KLF12: variants seen among roughly 807,000 people sequenced by gnomAD.
KLF12 encodes KLF transcription factor 12, also known as Krueppel-like factor 12.
A neutral mutation model predicts 37.8 loss-of-function variants in KLF12; 9 were observed. The ratio of observed to expected loss-of-function variants is 0.24; its 90% CI spans 0.14 to 0.42. KLF12 has a LOEUF of 0.42. Ranked by LOEUF, KLF12 falls within the 10% of genes least tolerant of loss-of-function variation. The pLI is 1.00. For missense variants in KLF12, 411 were observed against 516.0 expected (o/e 0.80, Z 1.97); for synonymous variants, 208 against 202.1 (o/e 1.03, Z -0.25).
At chr13:74,107,320 T>C (rs974965209) in intron 1 of KLF12, among the ~76,000 whole-genome samples, 4 of 152,218 alleles carry the variant, frequency 2.6e-5, no homozygotes, top group African/African-American at 7.2e-5. Context: ...CAGTTCGGTT[T>C]CTAACTATTC....
At chr13:73,973,583 A>G (rs9600204) in intron 2 of KLF12, among the ~76,000 whole-genome samples, 7,373 of 152,180 alleles carry the variant, frequency 0.048, 380 homozygotes, top group African/African-American at 0.13. Context: ...CTCCCTAGAG[A>G]AAATGGATAG....
intron 1 of KLF12, among the ~76,000 whole-genome samples, chr13:74,011,292 T>TAA (rs1892545431): frequency 6.6e-6 from 1 of 151,210 alleles, no homozygotes; most frequent in Non-Finnish European, 1.5e-5. Flanking sequence ...GTATAAAATT[T>TAA]CTGTTCACAG....
Position 73,888,148 on chromosome 13 carries a change from G to A in KLF12, c.124-41775C>T, listed in dbSNP as rs187562881. Among the ~76,000 whole-genome samples the A allele has an allele frequency of 7.2e-5, 11 of 152,072 alleles. No homozygotes were observed. The East Asian group carries it at 7.7e-4, about 11-fold the overall frequency. On this transcript the variant is annotated intron_variant, in intron 3 of 7. Transcript: ENST00000377669. ...CTCCCAAGTAGCTGGGACCACAGAC[G>A]TCAGTCACCAAGCCTAGCTAATCTT...
intron 1 of KLF12, among the ~76,000 whole-genome samples, chr13:74,082,165 A>AAAAAAAAAAAC (rs1555270359): frequency 1.4e-5 from 2 of 146,500 alleles, no homozygotes; most frequent in Non-Finnish European, 3.0e-5. Flanking sequence ...CTGTCTCTTA[A>AAAAAAAAAAAC]AAAAAAAAAA....
chr13:73,881,089 C>T (rs1376953906), intron 3 of KLF12, among the ~76,000 whole-genome samples: 1 of 151,780 alleles, frequency 6.6e-6, no homozygotes, highest in African/African-American at 2.4e-5. Flanking sequence ...GGAGTCTTTG[C>T]CAAGTGAAAA....
intron 4 of KLF12, among the ~76,000 whole-genome samples, chr13:73,837,028 T>G (rs1195715746): frequency 6.6e-6 from 1 of 152,202 alleles, no homozygotes; most frequent in Non-Finnish European, 1.5e-5. Context: ...TTTAGCTGCT[T>G]TACCTAACAA....
intron 1 of KLF12, among the ~76,000 whole-genome samples, chr13:74,076,203 A>G (rs948382376): frequency 1.3e-5 from 2 of 152,260 alleles, no homozygotes; most frequent in African/African-American, 4.8e-5. Flanking sequence ...TTTAAAAGGT[A>G]GATTTACTTT....
chr13:74,178,637 G>T, the KLF12 span, among the ~76,000 whole-genome samples: 1 of 152,162 alleles, frequency 6.6e-6, no homozygotes, highest in Non-Finnish European at 1.5e-5. Flanking sequence ...TGTCATGAAA[G>T]AAAGACAATC....
chr13:73,981,472 AT>A (rs1323151935), intron 2 of KLF12, among the ~76,000 whole-genome samples: 1 of 152,246 alleles, frequency 6.6e-6, no homozygotes, highest in Non-Finnish European at 1.5e-5. Context: ...GTGAATGAAT[AT>A]CAAAAACAAC....
chr13:74,053,427 C>T (rs1344496529), intron 1 of KLF12, among the ~76,000 whole-genome samples: 2 of 152,078 alleles, frequency 1.3e-5, no homozygotes, highest in Admixed American at 1.3e-4. Context: ...AGGCACTGTC[C>T]TAAGTCCTTC....
chr13:73,769,361 A>C (rs1880128304), intron 5 of KLF12, among the ~76,000 whole-genome samples: 1 of 152,192 alleles, frequency 6.6e-6, no homozygotes, highest in Non-Finnish European at 1.5e-5. Context: ...TCAACTTCTC[A>C]GCAGCAACTG....
At chr13:73,835,311 T>C (rs1884374243) in intron 4 of KLF12, among the ~76,000 whole-genome samples, 1 of 152,124 alleles carries the variant, frequency 6.6e-6, no homozygotes, top group Non-Finnish European at 1.5e-5. Flanking sequence ...TGTCTTTCAG[T>C]TCATGTCATT....
chr13:74,168,471 A>G, the KLF12 span, among the ~76,000 whole-genome samples: 2 of 152,076 alleles, frequency 1.3e-5, no homozygotes, highest in Admixed American at 1.3e-4. Flanking sequence ...CCTCATGCCA[A>G]CCTGGGTGCA....
chr13:74,108,954 A>G (rs973363428), intron 1 of KLF12, among the ~76,000 whole-genome samples: 3 of 152,194 alleles, frequency 2.0e-5, no homozygotes, highest in Non-Finnish European at 1.5e-5. Context: ...ATATGTGAAA[A>G]TTTATGTAAA....
intron 3 of KLF12, among the ~76,000 whole-genome samples, chr13:73,889,200 T>G (rs146145454): frequency 0.012 from 1,843 of 152,306 alleles, 19 homozygotes; most frequent in Admixed American, 0.019. Context: ...AGAAGATATA[T>G]GTACATATAA....
intron 1 of KLF12, among the ~76,000 whole-genome samples, chr13:74,039,665 G>T: frequency 6.6e-6 from 1 of 152,184 alleles, no homozygotes; most frequent in East Asian, 1.9e-4. Context: ...AAAATGGACA[G>T]TACTTCTGGA....
At position 74,049,846 on chromosome 13, in the gene KLF12, T is replaced by C. The variant is rs761507882; in HGVS notation, c.-31-54793A>G. On this transcript the variant is annotated intron_variant, in intron 1 of 7. Transcript: ENST00000377669. Reference sequence around the variant, plus strand: ...GAACCAAAAGGAAGAGGAAAGTAAGTTCTGCAATAGTATCTTTGGAAGAAA... The same window carrying C: ...GAACCAAAAGGAAGAGGAAAGTAAGCTCTGCAATAGTATCTTTGGAAGAAA... 6.6e-5 allele frequency among the ~76,000 whole-genome samples: 10 copies of C among 152,172 alleles called. 1 individual carries two copies. Among genetic ancestry groups the C allele is most frequent in the South Asian group, 6.2e-4 (3 of 4,830 alleles).
intron 5 of KLF12, among the ~76,000 whole-genome samples, chr13:73,791,611 T>C (rs181486050): frequency 1.2e-3 from 177 of 152,340 alleles, no homozygotes; most frequent in Non-Finnish European, 6.5e-4. Flanking sequence ...TAACATTTCC[T>C]TAGCTTTATC....
chr13:74,106,086 G>A lies in KLF12; in HGVS notation c.-32+27653C>T, dbSNP rs144788348. Among the ~76,000 whole-genome samples, 634 of 152,248 alleles carry A rather than the reference G, an allele frequency of 4.2e-3. 2 individuals carry two copies. The highest frequency in any genetic ancestry group is 0.014 in the African/African-American group (598 of 41,562). ...AATTCAAGGCTATTTATAAAGCACT[G>A]TGACTGTCCTCAAGACACTCTCAGT... is the stretch of plus-strand genomic sequence containing the variant. On this transcript the variant is annotated intron_variant, in intron 1 of 7. Transcript: ENST00000377669.
Sources: allele counts gnomAD v4.1 joint callset (sites outside exome capture counted in the v4.1 genomes callset), GRCh38; gene constraint gnomAD v4.1.1; transcripts MANE v1.5; gene names NCBI Gene and HGNC (gene_info 2026-07-23, HGNC 2026-07-21).